The following BOLL variants were observed in gnomAD, a reference collection of about 807,000 sequenced individuals.
BOLL encodes boule RNA binding protein.
In BOLL, 23 loss-of-function variants were observed where a neutral mutation model predicts 44.4. The observed-to-expected ratio is 0.52, with a 90% confidence interval of 0.37 to 0.73. The LOEUF (loss-of-function observed/expected upper bound fraction) is 0.73. Among genes scored for constraint, BOLL ranks in the 30% least tolerant of loss-of-function variants. BOLL has a pLI of 0.00. For synonymous variants in BOLL, 97 were observed against 110.8 expected, an observed-to-expected ratio of 0.88 and a Z score of 0.78; for missense variants, 287 against 338.3, an observed-to-expected ratio of 0.85 and a Z score of 1.19.
intron 1 of BOLL, among the ~76,000 whole-genome samples, chr2:197,783,112 A>G (rs1689880833): frequency 6.6e-6 from 1 of 152,120 alleles, no homozygotes. Context: ...GACAAACCCC[A>G]TAATATCCTA....
chr2:197,776,796 GC>G (rs1236808776), intron 4 of BOLL, among the ~76,000 whole-genome samples: 1 of 151,796 alleles, frequency 6.6e-6, no homozygotes, highest in Non-Finnish European at 1.5e-5. Context: ...CATTCAAAAT[GC>G]TATTAACACT....
intron 10 of BOLL, among the ~76,000 whole-genome samples, chr2:197,731,633 T>C (rs1158278536): frequency 6.8e-6 from 1 of 146,768 alleles, no homozygotes; most frequent in Non-Finnish European, 1.5e-5. Flanking sequence ...CACAGTGCAA[T>C]CAAACTAGAA....
intron 9 of BOLL, among the ~76,000 whole-genome samples, chr2:197,749,731 CTA>C (rs1384648060): frequency 1.3e-5 from 2 of 151,944 alleles, no homozygotes; most frequent in Non-Finnish European, 2.9e-5. Context: ...AAATATGGGA[CTA>C]TGTGAAAAGG....
Position 197,732,505 on chromosome 2 carries a change from A to C in BOLL, c.829-3927T>G, listed in dbSNP as rs1274798663. Reference sequence around the variant, plus strand: ...TACCAAAGCCAGGAAGAGACACAACAAAAAAAGAGAATTTTAGACCAATAT... The same window carrying C: ...TACCAAAGCCAGGAAGAGACACAACCAAAAAAGAGAATTTTAGACCAATAT... On this transcript the variant is annotated intron_variant, in intron 10 of 10. Coordinates refer to ENST00000392296, the MANE Select transcript of BOLL (RefSeq NM_033030.6). Among the ~76,000 whole-genome samples, 123 of 151,656 alleles carry C rather than the reference A, an allele frequency of 8.1e-4. 2 individuals are homozygous for C. In the South Asian group the frequency reaches 0.01, roughly 13 times the overall value.
At chr2:197,772,679 C>G (rs1393827699) in intron 5 of BOLL, among the ~76,000 whole-genome samples, 2 of 151,854 alleles carry the variant, frequency 1.3e-5, no homozygotes, top group Non-Finnish European at 2.9e-5. Flanking sequence ...TATAAACCCC[C>G]ACCACAAACC....
chr2:197,763,473 C>A (rs1239008922), intron 7 of BOLL, among the ~76,000 whole-genome samples: 4 of 114,308 alleles, frequency 3.5e-5, no homozygotes, highest in Non-Finnish European at 7.1e-5. Flanking sequence ...GACAGAGAGT[C>A]CGTCTTAAAA....
intron 1 of BOLL, among the ~76,000 whole-genome samples, chr2:197,782,751 C>G (rs1050562675): frequency 2.0e-5 from 3 of 152,190 alleles, no homozygotes; most frequent in Admixed American, 6.5e-5. Flanking sequence ...AGTTAATAAA[C>G]TCTAACATTC....
chr2:197,762,079 C>T (rs978435004), intron 7 of BOLL, among the ~76,000 whole-genome samples: 8 of 152,196 alleles, frequency 5.3e-5, no homozygotes, highest in Non-Finnish European at 1.0e-4. Flanking sequence ...GGCACAGTGG[C>T]TCACACCTGT....
chr2:197,785,929 G>A (rs1161389082), upstream of BOLL: 6 of 1,426,560 alleles, frequency 4.2e-6, no homozygotes, highest in African/African-American at 7.0e-5. This position sits in a 1 kb window ranked among gnomAD's most constrained non-coding sequence, Gnocchi z 6.7. Context: ...CAGGCTCCAC[G>A]CTGCTCCTTC....
intron 7 of BOLL, among the ~76,000 whole-genome samples, chr2:197,765,576 C>T (rs1353397174): frequency 2.0e-5 from 3 of 151,234 alleles, no homozygotes; most frequent in Admixed American, 1.3e-4. Context: ...AACATCACTA[C>T]ATACCCCATG....
intron 10 of BOLL, among the ~76,000 whole-genome samples, chr2:197,733,388 A>C (rs1334129580): frequency 6.7e-6 from 1 of 149,484 alleles, no homozygotes; most frequent in East Asian, 2.0e-4. Flanking sequence ...CATACTGCCC[A>C]AGGTAATTTA....
rs780690950 is a variant in BOLL at position 197,756,565 on chromosome 2, C to A, written c.601-9G>T. ...GCAGAAGAGGCAGAAGGCTAAAATACAAAACCATATTTCTAATTCAAATAT... is the reference window on the plus strand; with the variant it reads ...GCAGAAGAGGCAGAAGGCTAAAATAAAAAACCATATTTCTAATTCAAATAT... On this transcript the variant is annotated splice_polypyrimidine_tract_variant and intron_variant, in intron 8 of 10. Coordinates refer to ENST00000392296, the MANE Select transcript of BOLL (RefSeq NM_033030.6). 1.3e-6 allele frequency: 2 copies of A among 1,587,212 alleles called. No homozygotes were observed. The highest frequency in any genetic ancestry group is 1.7e-6 in the Non-Finnish European group (2 of 1,165,276).
chr2:197,729,016 G>T (rs1054254542), intron 10 of BOLL, among the ~76,000 whole-genome samples: 1 of 152,186 alleles, frequency 6.6e-6, no homozygotes, highest in African/African-American at 2.4e-5. Context: ...AGCTCCCAGC[G>T]TGAGCGACGC....
intron 9 of BOLL, among the ~76,000 whole-genome samples, chr2:197,754,519 C>T (rs935835058): frequency 6.6e-6 from 1 of 152,044 alleles, no homozygotes; most frequent in Non-Finnish European, 1.5e-5. Context: ...ACCATCCTGG[C>T]CAACACGGTG....
Position 197,766,606 on chromosome 2 carries a change from A to T in BOLL, c.481-3T>A. The T allele has an allele frequency of 6.2e-7, 1 of 1,609,672 alleles. No individual in the cohort carries two copies. The highest frequency in any genetic ancestry group is 8.5e-7 in the Non-Finnish European group (1 of 1,177,630). On this transcript the variant is annotated splice_region_variant and splice_polypyrimidine_tract_variant and intron_variant, in intron 6 of 10. Coordinates refer to ENST00000392296, the MANE Select transcript of BOLL (RefSeq NM_033030.6). ...GGGGAGCTACATACAGAACGTGACT[A>T]TAAAAGGATGGAAAAAGAAAAATTA... is the stretch of plus-strand genomic sequence containing the variant.
chr2:197,771,806 A>T, intron 6 of BOLL, 49 bp downstream of exon 6: 1 of 1,467,924 alleles, frequency 6.8e-7, no homozygotes, highest in East Asian at 2.5e-5. Flanking sequence ...CAAACATTAA[A>T]AAATTGATAG....
chr2:197,759,212 C>T (rs989315352), intron 7 of BOLL, among the ~76,000 whole-genome samples: 2 of 152,112 alleles, frequency 1.3e-5, no homozygotes, highest in South Asian at 2.1e-4. Flanking sequence ...AATCCAGGAG[C>T]GCAGCATGGA....
Position 197,777,083 on chromosome 2 carries a change from T to G in BOLL, c.252A>C (p.Glu84Asp). The G allele has an allele frequency of 1.3e-6, 2 of 1,574,524 alleles. No homozygotes were observed. Among genetic ancestry groups the G allele is most frequent in the South Asian group, 2.3e-5 (2 of 85,410 alleles). Reference sequence around the variant, plus strand: ...CCTCTTGTAAAATTTTTTGTGCATCTTCTTGTGTTTCAAAAGTGACGAAAC... The same window carrying G: ...CCTCTTGTAAAATTTTTTGTGCATCGTCTTGTGTTTCAAAAGTGACGAAAC... Reference protein sequence around the residue: ...GYGFVTFETQEDAQKILQEAE... With the variant: ...GYGFVTFETQDDAQKILQEAE... The change falls in exon 4 of 11, where the codon GAA becomes GAC. Residue 84 changes from glutamate to aspartate, a missense_variant. Transcript: ENST00000392296.
intron 10 of BOLL, among the ~76,000 whole-genome samples, chr2:197,738,760 C>T (rs753493439): frequency 4.7e-4 from 71 of 151,984 alleles, no homozygotes; most frequent in Non-Finnish European, 7.8e-4. Context: ...AGAATATTTC[C>T]ACCTTTCTAT....
Sources: gnomAD v4.1 joint callset for allele counts (sites outside exome capture counted in the v4.1 genomes callset) on GRCh38, gnomAD v4.1.1 for gene constraint, Gnocchi (gnomAD v3.1) non-coding constraint, MANE v1.5 for transcripts, NCBI Gene and HGNC (gene_info 2026-07-23, HGNC 2026-07-21) for gene names.